Variants in DLGAP1 observed in about 807,000 individuals in gnomAD.
DLGAP1 encodes disks large-associated protein 1.
DLGAP1 carries 11 observed loss-of-function variants against 90.8 expected under a neutral mutation model. The ratio of observed to expected loss-of-function variants is 0.12; its 90% CI spans 0.08 to 0.20. The LOEUF (loss-of-function observed/expected upper bound fraction) is 0.20, where lower values mean the gene tolerates loss of function less well. Among genes scored for constraint, DLGAP1 ranks in the 10% least tolerant of loss-of-function variants. The pLI is 1.00. For synonymous variants in DLGAP1, 558 were observed against 540.7 expected, an observed-to-expected ratio of 1.03 and a Z score of -0.44; for missense variants, 1,050 against 1,333.8, an observed-to-expected ratio of 0.79 and a Z score of 3.31.
chr18:4,110,882 T>C (rs369512396), intron 2 of DLGAP1, among the ~76,000 whole-genome samples: 2 of 152,228 alleles, frequency 1.3e-5, no homozygotes, highest in East Asian at 3.8e-4. Context: ...ATTTTCTGAC[T>C]GCCCATCTTG....
chr18:3,747,553 G>A (rs1029950060), intron 5 of DLGAP1, among the ~76,000 whole-genome samples: 9 of 152,142 alleles, frequency 5.9e-5, no homozygotes, highest in Non-Finnish European at 1.0e-4. Flanking sequence ...AAATGATGAT[G>A]CCATTCCAAA....
chr18:4,190,330 G>A (rs57477656), intron 1 of DLGAP1, among the ~76,000 whole-genome samples: 7,284 of 152,088 alleles, frequency 0.048, 553 homozygotes, highest in African/African-American at 0.16. Context: ...TAGATACAAT[G>A]AATTGATCAG....
intron 4 of DLGAP1, among the ~76,000 whole-genome samples, chr18:3,839,852 G>A (rs1175325213): frequency 1.3e-5 from 2 of 152,164 alleles, no homozygotes; most frequent in Non-Finnish European, 2.9e-5. Context: ...CCTCAAACCA[G>A]CCTTTATTCT....
At chr18:3,938,505 C>T (rs1354952234) in intron 3 of DLGAP1, among the ~76,000 whole-genome samples, 1 of 152,126 alleles carries the variant, frequency 6.6e-6, no homozygotes, top group Non-Finnish European at 1.5e-5. Context: ...TGCAAGGTCG[C>T]GAGCCTCTGT....
intron 8 of DLGAP1, among the ~76,000 whole-genome samples, chr18:3,569,354 T>G (rs1014879980): frequency 6.6e-6 from 1 of 151,934 alleles, no homozygotes; most frequent in African/African-American, 2.4e-5. Context: ...GTTCATATCC[T>G]TTACTAGTCT....
At chr18:4,198,397 C>T (rs2077542149) in intron 1 of DLGAP1, among the ~76,000 whole-genome samples, 2 of 151,990 alleles carry the variant, frequency 1.3e-5, no homozygotes, top group South Asian at 4.1e-4. Context: ...GAGCTCTGTC[C>T]CCAAAGGCCA....
At chr18:3,575,036 A>G (rs1019349048) in intron 8 of DLGAP1, among the ~76,000 whole-genome samples, 2 of 151,992 alleles carry the variant, frequency 1.3e-5, no homozygotes, top group Non-Finnish European at 1.5e-5. Context: ...GGATGGTTTC[A>G]ATCTCCTGAC....
chr18:3,874,099 A>T, intron 4 of DLGAP1: 1 of 1,546,708 alleles, frequency 6.5e-7, no homozygotes, highest in Non-Finnish European at 8.7e-7. Context: ...AAAACCATCC[A>T]AATCAACACC....
chr18:4,024,825 G>A (rs551053322), intron 2 of DLGAP1, among the ~76,000 whole-genome samples: 1 of 152,302 alleles, frequency 6.6e-6, no homozygotes, highest in Non-Finnish European at 1.5e-5. Context: ...CTTTACCTGG[G>A]AAGGTGATGG....
chr18:3,738,720 G>A lies in DLGAP1; in HGVS notation c.1350+3615C>T, dbSNP rs1184740112. Among the ~76,000 whole-genome samples the A allele has an allele frequency of 6.7e-5, 10 of 149,948 alleles. No homozygotes were observed. In the East Asian group the frequency reaches 2.0e-3, roughly 30 times the overall value. ...CATTCAGGACATAGGCATGGGCAAG[G>A]ACTTCATGTCTAAAACACCAAAAGC... On this transcript the variant is annotated intron_variant, in intron 6 of 12. Coordinates refer to ENST00000315677, the MANE Select transcript of DLGAP1 (RefSeq NM_004746.4).
At chr18:4,069,360 G>A (rs2075413725) in intron 2 of DLGAP1, among the ~76,000 whole-genome samples, 1 of 152,104 alleles carries the variant, frequency 6.6e-6, no homozygotes. Context: ...ATGATTCTTT[G>A]TTGTAAAGTG....
intron 4 of DLGAP1, among the ~76,000 whole-genome samples, chr18:3,818,359 T>A (rs1385010984): frequency 1.4e-5 from 2 of 138,980 alleles, no homozygotes; most frequent in Non-Finnish European, 3.1e-5. Flanking sequence ...TTTTTTTTTT[T>A]TTTTTTTTTT....
chr18:3,729,389 C>T lies in DLGAP1; in HGVS notation c.1351-14G>A, dbSNP rs1460603469. On this transcript the variant is annotated splice_polypyrimidine_tract_variant and intron_variant, in intron 6 of 12. Transcript: ENST00000315677. The surrounding 1 kb of genome is among the most constrained non-coding windows in gnomAD (Gnocchi z 6.2). ...CATCTCGCTCACCTGCGGGCAGACA[C>T]AGGCGTTGTGACACTCGCCTCCACC... The T allele has an allele frequency of 3.1e-6, 5 of 1,604,210 alleles. No homozygotes were observed. Among genetic ancestry groups the T allele is most frequent in the Middle Eastern group, 1.7e-4 (1 of 6,048 alleles).
At chr18:4,292,882 A>T (rs1162369575) in intron 1 of DLGAP1, among the ~76,000 whole-genome samples, 3 of 152,206 alleles carry the variant, frequency 2.0e-5, no homozygotes, top group Non-Finnish European at 4.4e-5. Context: ...TACCTAGCAG[A>T]TCCCTGTCCC....
intron 2 of DLGAP1, among the ~76,000 whole-genome samples, chr18:4,075,783 G>A (rs2075514163): frequency 6.6e-6 from 1 of 152,188 alleles, no homozygotes; most frequent in Non-Finnish European, 1.5e-5. Flanking sequence ...GGCAAGCACT[G>A]TTTCTCGTTA....
At chr18:3,550,111 A>C (rs1234978957) in intron 9 of DLGAP1, among the ~76,000 whole-genome samples, 3 of 151,358 alleles carry the variant, frequency 2.0e-5, no homozygotes, top group Admixed American at 1.3e-4. Flanking sequence ...ACGGGGTTTC[A>C]CCATGTTGGC....
chr18:4,320,997 G>A (rs903978686), intron 1 of DLGAP1, among the ~76,000 whole-genome samples: 18 of 152,202 alleles, frequency 1.2e-4, no homozygotes, highest in Admixed American at 1.1e-3. Context: ...ATCTCTAAGT[G>A]CAAATGAAAA....
intron 7 of DLGAP1, chr18:3,603,047 GC>G (rs1240049711): frequency 2.0e-5 from 3 of 152,178 alleles, no homozygotes; most frequent in Admixed American, 2.0e-4. Context: ...GGAAGAACTT[GC>G]AGAAACTAGA....
chr18:3,734,934 C>G (rs1361326960), intron 6 of DLGAP1, among the ~76,000 whole-genome samples: 1 of 152,008 alleles, frequency 6.6e-6, no homozygotes, highest in African/African-American at 2.4e-5. Context: ...TTTATATTTT[C>G]TAGAATTTGT....
Sources: allele counts gnomAD v4.1 joint callset (sites outside exome capture counted in the v4.1 genomes callset), GRCh38; gene constraint gnomAD v4.1.1; non-coding constraint Gnocchi (gnomAD v3.1); transcripts MANE v1.5; gene names NCBI Gene and HGNC (gene_info 2026-07-23, HGNC 2026-07-21).